The following SPTBN4 variants were observed in gnomAD, a reference collection of about 807,000 sequenced individuals.
SPTBN4 encodes spectrin beta chain, non-erythrocytic 4.
SPTBN4 carries 96 observed loss-of-function variants against 277.8 expected under a neutral mutation model. The observed-to-expected ratio is 0.35, with a 90% CI of 0.29 to 0.41. The LOEUF is 0.41. SPTBN4 is among the 10% of genes least tolerant of loss of function. The probability of loss-of-function intolerance (pLI) is 1.00; values close to 1 mark genes in which losing one functional copy is unlikely to be tolerated. For synonymous variants in SPTBN4, 1,481 were observed against 1,580.3 expected (o/e 0.94, Z 1.49); for missense variants, 3,006 against 3,595.7 (o/e 0.84, Z 4.19).
At chr19:40,508,157 C>A (rs1470696711) in intron 13 of SPTBN4, among the ~76,000 whole-genome samples, 2 of 152,214 alleles carry the variant, frequency 1.3e-5, no homozygotes, top group Non-Finnish European at 2.9e-5. Flanking sequence ...GGAGTGGGGT[C>A]AGCCCATTAC....
intron 2 of SPTBN4, among the ~76,000 whole-genome samples, chr19:40,484,469 G>A (rs965178423): frequency 1.3e-5 from 2 of 152,096 alleles, no homozygotes; most frequent in Non-Finnish European, 2.9e-5. Context: ...AGATAACCTC[G>A]AGATGATCAA....
chr19:40,496,981 G>T (rs762398840), intron 6 of SPTBN4, among the ~76,000 whole-genome samples: 3 of 151,118 alleles, frequency 2.0e-5, no homozygotes, highest in Non-Finnish European at 4.4e-5. Flanking sequence ...GCTGAGGCAG[G>T]AGAATTGCTT....
At chr19:40,527,037 T>C (rs896992349) in intron 17 of SPTBN4, among the ~76,000 whole-genome samples, 2 of 152,196 alleles carry the variant, frequency 1.3e-5, no homozygotes, top group African/African-American at 4.8e-5. Context: ...CTAAGCTAAG[T>C]TGGGCAGGAG....
intron 6 of SPTBN4, among the ~76,000 whole-genome samples, chr19:40,496,228 C>A (rs940440770): frequency 2.0e-5 from 3 of 152,226 alleles, no homozygotes; most frequent in Admixed American, 6.5e-5. Context: ...CGGCTCACTG[C>A]AACCTCTGCT....
intron 16 of SPTBN4, among the ~76,000 whole-genome samples, chr19:40,520,376 G>A (rs190345794): frequency 1.1e-3 from 175 of 152,284 alleles, no homozygotes; most frequent in African/African-American, 3.2e-3. Flanking sequence ...TCATCAGTGG[G>A]GTAGGTTGGT....
intron 4 of SPTBN4, among the ~76,000 whole-genome samples, chr19:40,491,152 C>T (rs76053032): frequency 0.019 from 2,953 of 152,164 alleles, 100 homozygotes; most frequent in African/African-American, 0.068. Context: ...CAGAAGAGGG[C>T]TGTCTGGGAA....
chr19:40,541,459 T>A (rs2080801003), intron 20 of SPTBN4, among the ~76,000 whole-genome samples: 1 of 152,184 alleles, frequency 6.6e-6, no homozygotes, highest in Admixed American at 6.5e-5. Context: ...GAGCTGCTAC[T>A]GGGGAAGGGA....
chr19:40,570,604 C>T lies in SPTBN4; in HGVS notation c.7195C>T (p.Arg2399Cys). Residue 2399 changes from arginine to cysteine, a missense_variant, in exon 33 of 36, where the codon CGC (arginine) becomes TGC (cysteine). Arg to Cys is a radical substitution (Grantham distance 180). Around this residue, in one of 5 missense-constraint regions of SPTBN4, gnomAD observed 630 missense variants for 677.6 expected, o/e 0.93. Coordinates refer to ENST00000598249, the MANE Select transcript of SPTBN4 (RefSeq NM_020971.3). ...TGAGGGCGGGGGAAGCCGGCGCTCGCGCTCCGCCCCGGCCCAGGGCGGCTC... is the reference window on the plus strand; with the variant it reads ...TGAGGGCGGGGGAAGCCGGCGCTCGTGCTCCGCCCCGGCCCAGGGCGGCTC... ...GGEGGGSRRS[R>C]SAPAQGGSAP... is the part of the protein sequence containing the mutation. 2 of 1,388,636 alleles carry T rather than the reference C, an allele frequency of 1.4e-6. No individual in the cohort carries two copies. The highest frequency in any genetic ancestry group is 3.8e-5 in the Admixed American group (1 of 26,352). 86.0% of individuals were successfully genotyped at this position (1,388,636 alleles called of 1,614,324 possible). A position where few individuals can be genotyped will look rare whatever the true frequency, so the allele number is the denominator to read the frequency against.
In SPTBN4 at chr19:40,519,413, C is replaced by A; in HGVS notation, c.2916C>A (p.Ile972=). The part of the protein sequence containing the change: ...QDHLNSRWNR[I]VELVEQRKEE... ...TTCCCCTGGGCAGGTGGAACCGCATCGTGGAGCTAGTGGAACAGCGCAAAG... is the reference window on the plus strand; with the variant it reads ...TTCCCCTGGGCAGGTGGAACCGCATAGTGGAGCTAGTGGAACAGCGCAAAG... The change falls in exon 16 of 36, where the codon ATC becomes ATA. Residue 972 remains isoleucine (I), a synonymous_variant. Coordinates refer to ENST00000598249, the MANE Select transcript of SPTBN4 (RefSeq NM_020971.3). This position sits in a 1 kb window ranked among gnomAD's most constrained non-coding sequence, Gnocchi z 5.7. 2 of 1,574,912 alleles carry A rather than the reference C, an allele frequency of 1.3e-6. No homozygotes were observed. Among genetic ancestry groups the A allele is most frequent in the African/African-American group, 1.4e-5 (1 of 72,728 alleles).
At chr19:40,534,012 C>G (rs2080706902) in intron 19 of SPTBN4, 68 bp from the exon 20 acceptor site, 1 of 1,505,624 alleles carries the variant, frequency 6.6e-7, no homozygotes, top group Non-Finnish European at 8.9e-7. Flanking sequence ...CACTCTCCCA[C>G]ACTTCTCTGA....
chr19:40,483,244 A>G (rs1049882711), intron 2 of SPTBN4, among the ~76,000 whole-genome samples: 2 of 152,072 alleles, frequency 1.3e-5, no homozygotes, highest in African/African-American at 4.8e-5. Context: ...CTAGGGATGC[A>G]CTAAAATTCC....
chr19:40,502,492 C>T lies in SPTBN4; in HGVS notation c.1188C>T (p.Ile396=). ...TTGTGCCTCGGGAGGGCTGTGGCAT[C>T]TGGGATATTGACAAGGTGAGGCCGG... ...RLFVPREGCG[I]WDIDKAWGEL... is the part of the protein sequence containing the mutation. The change falls in exon 10 of 36, where the codon ATC becomes ATT. Residue 396 remains isoleucine (I), a synonymous_variant. Transcript: ENST00000598249. This position sits in a 1 kb window ranked among gnomAD's most constrained non-coding sequence, Gnocchi z 4.9. 2.5e-6 allele frequency: 4 copies of T among 1,612,790 alleles called. No individual in the cohort carries two copies. The highest frequency in any genetic ancestry group is 1.1e-5 in the South Asian group (1 of 91,034).
rs1335183281 is a variant in SPTBN4 at position 40,554,175 on chromosome 19, G to A, written c.4703G>A (p.Gly1568Glu). 3 of 1,451,150 alleles carry A rather than the reference G, an allele frequency of 2.1e-6. No homozygotes were observed. Among genetic ancestry groups the A allele is most frequent in the South Asian group, 1.4e-5 (1 of 70,032 alleles). 89.9% of individuals were successfully genotyped at this position (1,451,150 alleles called of 1,614,324 possible). ...CTGCGGCGGGAGATCCAGGCGCATG[G>A]GCCGCGCCTGGAGGAGGTGCTGGAG... ...QGLRREIQAHGPRLEEVLERA... is the reference protein window; with the variant it reads ...QGLRREIQAHEPRLEEVLERA... Residue 1568 changes from glycine (G) to glutamate (E), a missense_variant, in exon 23 of 36, where the codon GGG (glycine) becomes GAG (glutamate). Coordinates refer to ENST00000598249, the MANE Select transcript of SPTBN4 (RefSeq NM_020971.3). The surrounding 1 kb of genome is among the most constrained non-coding windows in gnomAD (Gnocchi z 5.7).
chr19:40,523,365 C>T (rs2080551015), intron 16 of SPTBN4, 72 bp from the exon 17 acceptor site: 1 of 1,458,730 alleles, frequency 6.9e-7, no homozygotes, highest in Admixed American at 2.0e-5. Context: ...GGTGGCAAGC[C>T]AGGCTGGCAG....
rs2080554365 is a variant in SPTBN4, at chr19:40,523,572, G to A, written c.3790G>A (p.Gly1264Ser). The change falls in exon 17 of 36, where the codon GGC becomes AGC. Residue 1264 changes from glycine to serine, a missense_variant. Physicochemically the swap from Gly to Ser is moderately conservative, Grantham distance 56. Around this residue, in one of 5 missense-constraint regions of SPTBN4, gnomAD observed 1,759 missense variants for 2,061.5 expected, o/e 0.85. Transcript: ENST00000598249. ...GCAGGTGGCCGTGCAGGCTGCAGAG[G>A]GCCTGCTGAGGCAGGGCAACATCTA... is the stretch of plus-strand genomic sequence containing the variant. ...KMQVAVQAAE[G>S]LLRQGNIYGE... 2 of 1,614,038 alleles carry A rather than the reference G, an allele frequency of 1.2e-6. No homozygotes were observed. Among genetic ancestry groups the A allele is most frequent in the African/African-American group, 2.7e-5 (2 of 74,932 alleles).
At chr19:40,523,373 C>T (rs905893888) in intron 16 of SPTBN4, 64 bp from the exon 17 acceptor site, 28 of 1,483,196 alleles carry the variant, frequency 1.9e-5, no homozygotes, top group Non-Finnish European at 2.5e-5. Flanking sequence ...GCCAGGCTGG[C>T]AGCCTCTCCC....
chr19:40,515,469 G>C lies in SPTBN4; in HGVS notation c.2903+21G>C. On this transcript the variant is annotated intron_variant, in intron 15 of 35. Transcript: ENST00000598249. This position sits in a 1 kb window ranked among gnomAD's most constrained non-coding sequence, Gnocchi z 4.1. ...AGCAGGTAGGAGGGCCTGGGGCTGG[G>C]AGTCCCTCCCATCCTTCCCTTCCAC... The C allele has an allele frequency of 1.9e-6, 3 of 1,541,260 alleles. No individual in the cohort carries two copies. The highest frequency in any genetic ancestry group is 2.6e-6 in the Non-Finnish European group (3 of 1,142,430).
At chr19:40,488,013 G>T (rs1224619159) in intron 3 of SPTBN4, among the ~76,000 whole-genome samples, 165 bp downstream of exon 3, 3 of 152,140 alleles carry the variant, frequency 2.0e-5, no homozygotes, top group Non-Finnish European at 2.9e-5. Flanking sequence ...CGGGTGTGTG[G>T]GGCTGTGGCG....
chr19:40,509,039 T>C (rs2080360752), intron 13 of SPTBN4, among the ~76,000 whole-genome samples: 1 of 151,582 alleles, frequency 6.6e-6, no homozygotes, highest in Non-Finnish European at 1.5e-5. Context: ...CCATCTGATA[T>C]GAGCGTTCTG....
Sources: gnomAD v4.1 joint callset for allele counts (sites outside exome capture counted in the v4.1 genomes callset) on GRCh38, gnomAD v4.1.1 for gene constraint, gnomAD v4.1.1 regional missense constraint, Gnocchi (gnomAD v3.1) non-coding constraint, MANE v1.5 for transcripts, NCBI Gene and HGNC (gene_info 2026-07-23, HGNC 2026-07-21) for gene names.